The following ALMS1 variants were observed in gnomAD, a reference collection of about 807,000 sequenced individuals.
ALMS1 encodes centrosome-associated protein ALMS1.
Under a neutral mutation model 352.2 loss-of-function variants are expected in ALMS1, and 271 were observed. The ratio of observed to expected loss-of-function variants is 0.77; its 90% CI spans 0.70 to 0.85. ALMS1 has a LOEUF of 0.85. Ranked by LOEUF, ALMS1 falls within the 40% of genes least tolerant of loss-of-function variation. The pLI, the probability that ALMS1 is intolerant of heterozygous loss-of-function variation, is 0.00. For missense variants in ALMS1, 5,445 were observed against 4,870.7 expected (o/e 1.12, Z -3.51); for synonymous variants, 1,865 against 1,761.2 (o/e 1.06, Z -1.48).
intron 10 of ALMS1, among the ~76,000 whole-genome samples, chr2:73,498,955 T>C (rs1399287152): frequency 1.3e-5 from 2 of 152,210 alleles, no homozygotes; most frequent in Admixed American, 1.3e-4. Context: ...TTTGGGTATA[T>C]ACTCAGCAGT....
intron 2 of ALMS1, among the ~76,000 whole-genome samples, chr2:73,412,165 C>T (rs556185835): frequency 6.6e-6 from 1 of 152,306 alleles, no homozygotes; most frequent in Admixed American, 6.5e-5. Context: ...TACAGTCATG[C>T]AGTCACCACC....
chr2:73,502,098 T>C (rs1200702357), intron 10 of ALMS1, among the ~76,000 whole-genome samples: 2 of 152,136 alleles, frequency 1.3e-5, no homozygotes, highest in Non-Finnish European at 2.9e-5. Context: ...TGCCAATTTG[T>C]AGGTCCCAAC....
At chr2:73,476,091 T>C (rs1016247694) in intron 9 of ALMS1, among the ~76,000 whole-genome samples, 24 of 152,088 alleles carry the variant, frequency 1.6e-4, no homozygotes, top group African/African-American at 5.6e-4. Context: ...CATTCTACTT[T>C]CTGTCTCTAT....
chr2:73,586,313 CT>C (rs1317867373), intron 16 of ALMS1, among the ~76,000 whole-genome samples: 2 of 152,110 alleles, frequency 1.3e-5, no homozygotes, highest in Non-Finnish European at 2.9e-5. Flanking sequence ...GTCGTGAGCT[CT>C]TTGCCTAAGT....
At chr2:73,442,781 A>C (rs1671743568) in intron 7 of ALMS1, among the ~76,000 whole-genome samples, 1 of 152,166 alleles carries the variant, frequency 6.6e-6, no homozygotes, top group African/African-American at 2.4e-5. Context: ...ATTTCCTATG[A>C]CTGATGAGTT....
Position 73,432,141 on chromosome 2 carries a change from A to G in ALMS1, c.1339-57A>G, listed in dbSNP as rs1455411809. Reference sequence around the variant, plus strand: ...CATTTCTTCGTAGGTGGGTCATTCTAATCTGGGCATTAATGAGTCTTTTTC... The same window carrying G: ...CATTTCTTCGTAGGTGGGTCATTCTGATCTGGGCATTAATGAGTCTTTTTC... On this transcript the variant is annotated intron_variant, in intron 6 of 22. Coordinates refer to ENST00000613296, the MANE Select transcript of ALMS1 (RefSeq NM_001378454.1). The G allele has an allele frequency of 5.3e-6, 7 of 1,314,428 alleles. No individual in the cohort carries two copies. In the Admixed American group the frequency reaches 1.0e-4, roughly 19 times the overall value. The allele number at this position is 1,314,428 out of a possible 1,614,324, so 81.4% of individuals were successfully genotyped here.
intron 9 of ALMS1, among the ~76,000 whole-genome samples, chr2:73,486,956 G>A (rs1354500646): frequency 2.6e-5 from 4 of 152,196 alleles, no homozygotes; most frequent in African/African-American, 9.7e-5. Flanking sequence ...CCAGGAGGCT[G>A]AGGTGGCAGG....
chr2:73,568,995 CTTTTTTTTTTTTTTTTTTTTTTTTTTT>C (rs747436819), intron 15 of ALMS1, among the ~76,000 whole-genome samples: 1 of 53,532 alleles, frequency 1.9e-5, no homozygotes, highest in South Asian at 6.9e-4. Context: ...GCTTCTGCTT[CTTTTTTTTTTTTTTTTTTTTTTTTTTT>C]TTTTTTTTTT....
chr2:73,592,296 G>A (rs773752511), intron 16 of ALMS1, among the ~76,000 whole-genome samples: 43 of 152,148 alleles, frequency 2.8e-4, no homozygotes, highest in South Asian at 1.2e-3. Context: ...TACCACCTGA[G>A]TTTCTGCTTC....
chr2:73,597,802 A>G (rs1303217313), intron 16 of ALMS1, among the ~76,000 whole-genome samples: 1 of 149,792 alleles, frequency 6.7e-6, no homozygotes, highest in South Asian at 2.1e-4. Context: ...TTTTCCCTGC[A>G]TCAAAGTTGC....
intron 14 of ALMS1, 34 bp from the exon 15 acceptor site, chr2:73,558,938 C>T: frequency 6.2e-7 from 1 of 1,611,174 alleles, no homozygotes; most frequent in South Asian, 1.1e-5. Context: ...TGTCAAGTTC[C>T]TGTCTGTATA....
intron 11 of ALMS1, among the ~76,000 whole-genome samples, chr2:73,531,781 TGGCGGA>T (rs1433485987): frequency 1.3e-5 from 2 of 152,208 alleles, no homozygotes; most frequent in Non-Finnish European, 2.9e-5. Flanking sequence ...CTTACAATCA[TGGCGGA>T]AGGTGAAGGG....
chr2:73,424,850 G>C lies in ALMS1; in HGVS notation c.1185G>C (p.Gly395=). 6.2e-7 allele frequency: 1 copy of C among 1,608,222 alleles called. No individual in the cohort carries two copies. The highest frequency in any genetic ancestry group is 8.5e-7 in the Non-Finnish European group (1 of 1,176,440). The change falls in exon 5 of 23, where the codon GGG becomes GGC. Residue 395 remains glycine, a synonymous_variant. Coordinates refer to ENST00000613296, the MANE Select transcript of ALMS1 (RefSeq NM_001378454.1). ...ATTTTGATGCTGCTCGTTCATATGG[G>C]CAGTATTGGACACAGGAAGATTCAT... ...SDHFDAARSY[G]QYWTQEDSSK... is the part of the protein sequence containing the mutation.
Position 73,453,662 on chromosome 2 carries a change from A to G in ALMS1, c.7135A>G (p.Arg2379Gly). The change falls in exon 8 of 23, where the codon AGG (arginine) becomes GGG (glycine). Residue 2379 changes from arginine to glycine, a missense_variant. Transcript: ENST00000613296. ...CAGTATGGCATTAGAAGAAACTCTT[A>G]GGCAATATCAAGCAGCCAAATCTGT... ...KVSMALEETL[R>G]QYQAAKSVMR... 6.2e-7 allele frequency: 1 copy of G among 1,614,138 alleles called. No individual in the cohort carries two copies. Among genetic ancestry groups the G allele is most frequent in the Non-Finnish European group, 8.5e-7 (1 of 1,180,012 alleles).
chr2:73,481,700 T>C (rs1466103139), intron 9 of ALMS1, among the ~76,000 whole-genome samples: 4 of 151,206 alleles, frequency 2.6e-5, no homozygotes, highest in Non-Finnish European at 4.4e-5. Flanking sequence ...TGATTCTTCC[T>C]ACCCATGAGC....
At chr2:73,517,849 G>C (rs551235970) in intron 10 of ALMS1, among the ~76,000 whole-genome samples, 1 of 151,538 alleles carries the variant, frequency 6.6e-6, no homozygotes, top group African/African-American at 2.4e-5. Flanking sequence ...GTAGAGATGG[G>C]GTTTCACCAT....
intron 9 of ALMS1, among the ~76,000 whole-genome samples, chr2:73,465,084 T>G (rs892595724): frequency 6.6e-6 from 1 of 152,194 alleles, no homozygotes; most frequent in African/African-American, 2.4e-5. Flanking sequence ...ATAGATTCAA[T>G]GCCATCCCCA....
chr2:73,591,945 T>C (rs1161361760), intron 16 of ALMS1, among the ~76,000 whole-genome samples: 1 of 152,234 alleles, frequency 6.6e-6, no homozygotes, highest in South Asian at 2.1e-4. Flanking sequence ...TGATTCATTT[T>C]CTTTCTGTCC....
At position 73,468,412 on chromosome 2, in the gene ALMS1, C is replaced by T. The variant is rs534554046; in HGVS notation, c.7674+13117C>T. Among the ~76,000 whole-genome samples, 4 of 152,160 alleles carry T rather than the reference C, an allele frequency of 2.6e-5. No homozygotes were observed. The South Asian group carries it at 8.3e-4, about 32-fold the overall frequency. On this transcript the variant is annotated intron_variant, in intron 9 of 22. Coordinates refer to ENST00000613296, the MANE Select transcript of ALMS1 (RefSeq NM_001378454.1). ...ATACACAACACAAAATTTACCTCAA[C>T]TGTTTTTAAGTGTACAGTTTACTGG...
Sources: allele counts gnomAD v4.1 joint callset (sites outside exome capture counted in the v4.1 genomes callset), GRCh38; gene constraint gnomAD v4.1.1; transcripts MANE v1.5; gene names NCBI Gene and HGNC (gene_info 2026-07-23, HGNC 2026-07-21).